The following ERBIN variants were observed in gnomAD, a reference collection of about 807,000 sequenced individuals.
ERBIN encodes densin-180-like protein.
In ERBIN, 60 loss-of-function variants were observed where a neutral mutation model predicts 158.4. That is an observed-to-expected ratio of 0.38 (90% confidence interval 0.31 to 0.47). ERBIN has a LOEUF of 0.47. ERBIN is among the 20% of genes least tolerant of loss of function. The pLI, the probability that ERBIN is intolerant of heterozygous loss-of-function variation, is 0.99. For missense variants in ERBIN, 1,610 were observed against 1,648.0 expected (o/e 0.98, Z 0.40); for synonymous variants, 594 against 557.2 (o/e 1.07, Z -0.93).
rs1450623653 is a variant in ERBIN at position 66,078,685 on chromosome 5, A to T, written c.*155A>T. ...ATGAAATAATGGAACTTGTGGTTAG[A>T]GGGAAAGAACCACTGTACAGAATAT... On this transcript the variant is annotated 3_prime_UTR_variant, in exon 26 of 26. Transcript: ENST00000284037. 3.2e-6 allele frequency: 2 copies of T among 619,468 alleles called. No homozygotes were observed. Among genetic ancestry groups the T allele is most frequent in the East Asian group, 5.7e-5 (2 of 34,960 alleles). 38.4% of individuals were successfully genotyped at this position (619,468 alleles called of 1,614,324 possible).
At chr5:65,957,516 A>C (rs2150944562) in intron 1 of ERBIN, among the ~76,000 whole-genome samples, 1 of 152,324 alleles carries the variant, frequency 6.6e-6, no homozygotes, top group East Asian at 1.9e-4. Flanking sequence ...CACGTTTCAG[A>C]GAGCACCGGG....
chr5:65,987,367 T>TACACACACACACACACAA (rs1554053510), intron 1 of ERBIN, among the ~76,000 whole-genome samples: 3 of 135,684 alleles, frequency 2.2e-5, no homozygotes, highest in Non-Finnish European at 4.7e-5. Flanking sequence ...AGAGACTGTC[T>TACACACACACACACACAA]ACACACACAC....
intron 1 of ERBIN, among the ~76,000 whole-genome samples, chr5:65,933,850 T>C (rs1190882075): frequency 6.6e-6 from 1 of 152,168 alleles, no homozygotes; most frequent in Non-Finnish European, 1.5e-5. Context: ...AACATTTTTT[T>C]TCCTGAACCA....
chr5:66,048,774 C>CA lies in ERBIN; in HGVS notation c.1902dup (p.Asp635ArgfsTer2), dbSNP rs1221795699. 3 of 1,574,004 alleles carry CA rather than the reference C, an allele frequency of 1.9e-6. No homozygotes were observed. Among genetic ancestry groups the CA allele is most frequent in the Non-Finnish European group, 2.6e-6 (3 of 1,161,042 alleles). ...CAAAAGTCGTAGCACTTAGTAATAA[C>CA]AAAAAAGGTTAGATGTTAAAGGAAA... On this transcript the variant is annotated frameshift_variant, in exon 19 of 26. Transcript: ENST00000284037. LOFTEE classifies it high-confidence loss of function.
intron 4 of ERBIN, among the ~76,000 whole-genome samples, chr5:66,006,949 A>G (rs1753668697): frequency 6.7e-6 from 1 of 149,046 alleles, no homozygotes; most frequent in Admixed American, 6.6e-5. Flanking sequence ...GTGGGACTGT[A>G]AACTAGTTCA....
intron 1 of ERBIN, among the ~76,000 whole-genome samples, chr5:65,927,885 T>TA (rs1561253024): frequency 6.6e-6 from 1 of 152,202 alleles, no homozygotes; most frequent in African/African-American, 2.4e-5. Flanking sequence ...AGTGGTGTTT[T>TA]AGTCTTTTTC....
At chr5:66,036,387 A>G (rs1251167950) in intron 14 of ERBIN, among the ~76,000 whole-genome samples, 2 of 152,110 alleles carry the variant, frequency 1.3e-5, no homozygotes, top group Non-Finnish European at 2.9e-5. Context: ...TCTCTACCCC[A>G]TACACATTCA....
At chr5:65,987,220 G>A (rs754530557) in intron 1 of ERBIN, among the ~76,000 whole-genome samples, 28 of 152,010 alleles carry the variant, frequency 1.8e-4, no homozygotes, top group African/African-American at 2.7e-4. Flanking sequence ...ATTGAGCTGG[G>A]CCCCTTACTG....
intron 4 of ERBIN, 53 bp from the exon 5 acceptor site, chr5:66,011,996 T>C (rs768450642): frequency 7.8e-6 from 9 of 1,152,986 alleles, no homozygotes; most frequent in African/African-American, 3.1e-5. Context: ...GTTACTGTTA[T>C]TATTTTGTCC....
intron 7 of ERBIN, among the ~76,000 whole-genome samples, chr5:66,015,912 A>G (rs1391944022): frequency 6.6e-6 from 1 of 152,198 alleles, no homozygotes; most frequent in African/African-American, 2.4e-5. Flanking sequence ...TGTTCTGTTT[A>G]CTCAGCTTCT....
intron 1 of ERBIN, among the ~76,000 whole-genome samples, chr5:65,955,384 C>T (rs555054461): frequency 5.9e-4 from 90 of 152,224 alleles, no homozygotes; most frequent in African/African-American, 2.1e-3. Flanking sequence ...AATCCCAGCA[C>T]TTTGGGAGGC....
chr5:66,046,257 T>A, intron 17 of ERBIN, 96 bp from the exon 18 acceptor site: 1 of 653,846 alleles, frequency 1.5e-6, no homozygotes, highest in Middle Eastern at 4.7e-4. Flanking sequence ...AGTCCAGAAT[T>A]GGAAGTTGGC....
intron 21 of ERBIN, among the ~76,000 whole-genome samples, chr5:66,059,380 T>G (rs981635328): frequency 6.6e-6 from 1 of 152,252 alleles, no homozygotes; most frequent in Admixed American, 6.5e-5. Context: ...TTTTTACACA[T>G]TGATTTTATA....
At chr5:66,018,593 A>ATATAATATATATTATATAT (rs1755306506) in intron 7 of ERBIN, among the ~76,000 whole-genome samples, 1 of 8,658 alleles carries the variant, frequency 1.2e-4, no homozygotes, top group Non-Finnish European at 2.3e-4. Flanking sequence ...ATATTATATA[A>ATATAATATATATTATATAT]TATATATTAT....
At chr5:65,956,909 A>G (rs543960727) in intron 1 of ERBIN, among the ~76,000 whole-genome samples, 1 of 152,256 alleles carries the variant, frequency 6.6e-6, no homozygotes, top group Non-Finnish European at 1.5e-5. Flanking sequence ...GGGATTTTGA[A>G]AAGTGTTGGG....
At position 66,054,757 on chromosome 5, in the gene ERBIN, C is replaced by G. The variant is rs376856725; in HGVS notation, c.3439C>G (p.Pro1147Ala). 3.1e-6 allele frequency: 5 copies of G among 1,613,972 alleles called. No individual in the cohort carries two copies. The African/African-American group carries it at 6.7e-5, about 22-fold the overall frequency. Reference protein sequence around the residue: ...PNASRPQSARPSINEIPERTM... With the variant: ...PNASRPQSARASINEIPERTM... Reference sequence around the variant, plus strand: ...TGCATCAAGACCTCAGAGTGCTCGACCCTCTATTAATGAAATACCAGAGAG... The same window carrying G: ...TGCATCAAGACCTCAGAGTGCTCGAGCCTCTATTAATGAAATACCAGAGAG... The change falls in exon 21 of 26, where the codon CCC (proline) becomes GCC (alanine). Residue 1147 changes from proline to alanine, a missense_variant. By Grantham distance (27) the Pro-to-Ala change is conservative. Coordinates refer to ENST00000284037, the MANE Select transcript of ERBIN (RefSeq NM_001253697.2).
chr5:65,927,449 TTTAA>T (rs1454951914), intron 1 of ERBIN, among the ~76,000 whole-genome samples: 15 of 152,326 alleles, frequency 9.8e-5, no homozygotes, highest in African/African-American at 3.6e-4. Flanking sequence ...GTATAACTTG[TTTAA>T]TTAATTGAAA....
chr5:65,958,138 G>GGGAT (rs1747455309), intron 1 of ERBIN, among the ~76,000 whole-genome samples: 1 of 151,492 alleles, frequency 6.6e-6, no homozygotes, highest in South Asian at 2.1e-4. Flanking sequence ...TTCCCAGACT[G>GGGAT]GGCAGCCGGG....
chr5:65,972,380 G>A (rs1410212666), intron 1 of ERBIN, among the ~76,000 whole-genome samples: 1 of 151,318 alleles, frequency 6.6e-6, no homozygotes, highest in Non-Finnish European at 1.5e-5. Context: ...ATTAAACTTT[G>A]CATCTAAGAC....
Sources: gnomAD v4.1 joint callset for allele counts (sites outside exome capture counted in the v4.1 genomes callset) on GRCh38, gnomAD v4.1.1 for gene constraint, MANE v1.5 for transcripts, NCBI Gene and HGNC (gene_info 2026-07-23, HGNC 2026-07-21) for gene names.